UBAC2: variants seen among roughly 807,000 people sequenced by gnomAD.
UBAC2 encodes the protein ubiquitin-associated domain-containing protein 2.
Under a neutral mutation model 44.0 loss-of-function variants are expected in UBAC2, and 26 were observed. The ratio of observed to expected loss-of-function variants is 0.59; its 90% CI spans 0.43 to 0.82. The LOEUF is 0.82. UBAC2 is among the 40% of genes least tolerant of loss of function. The probability of loss-of-function intolerance (pLI) is 0.00; values close to 1 mark genes in which losing one functional copy is unlikely to be tolerated. For synonymous variants in UBAC2, 155 were observed against 154.3 expected (o/e 1.00, Z -0.04); for missense variants, 329 against 419.4 (o/e 0.78, Z 1.88).
intron 4 of UBAC2, among the ~76,000 whole-genome samples, chr13:99,311,669 T>C (rs1397888746): frequency 2.6e-5 from 4 of 152,258 alleles, no homozygotes; most frequent in Admixed American, 1.3e-4. Flanking sequence ...ATTAATAATC[T>C]AATGGGAGGT....
At chr13:99,238,796 C>G (rs970867210) in intron 2 of UBAC2, among the ~76,000 whole-genome samples, 3 of 152,112 alleles carry the variant, frequency 2.0e-5, no homozygotes, top group Non-Finnish European at 4.4e-5. Flanking sequence ...ACTTTTTACT[C>G]AGAGAAGTGT....
intron 4 of UBAC2, among the ~76,000 whole-genome samples, chr13:99,251,153 T>C (rs1263154931): frequency 6.6e-6 from 1 of 152,172 alleles, no homozygotes; most frequent in Non-Finnish European, 1.5e-5. Context: ...TGTTGTGTTC[T>C]TGGTTTGACT....
At chr13:99,285,138 A>C (rs2044001588) in intron 4 of UBAC2, among the ~76,000 whole-genome samples, 1 of 152,126 alleles carries the variant, frequency 6.6e-6, no homozygotes, top group Non-Finnish European at 1.5e-5. Flanking sequence ...AAAATTATTC[A>C]TAATTCTGTA....
At chr13:99,234,411 A>C in intron 1 of UBAC2, 1 of 228,034 alleles carries the variant, frequency 4.4e-6, no homozygotes, top group South Asian at 3.6e-5. Context: ...GCTGGTCTCA[A>C]ACTCCTGACC....
At chr13:99,204,961 C>T (rs1343087542) in intron 1 of UBAC2, among the ~76,000 whole-genome samples, 4 of 129,232 alleles carry the variant, frequency 3.1e-5, no homozygotes, top group Non-Finnish European at 4.7e-5. Flanking sequence ...TGGAGTGCAG[C>T]GGTGTGATCT....
chr13:99,351,854 G>T (rs727263), intron 7 of UBAC2: 1 of 440,546 alleles, frequency 2.3e-6, no homozygotes, highest in South Asian at 1.6e-5. Context: ...GGTGTTAACT[G>T]GTTGATTATC....
intron 4 of UBAC2, among the ~76,000 whole-genome samples, chr13:99,276,470 C>T (rs527880267): frequency 5.3e-5 from 8 of 152,336 alleles, no homozygotes; most frequent in South Asian, 2.1e-4. Flanking sequence ...AAGGATACAA[C>T]GCAGGAACAG....
chr13:99,347,954 C>T (rs749793792), intron 7 of UBAC2, among the ~76,000 whole-genome samples: 17 of 151,950 alleles, frequency 1.1e-4, no homozygotes, highest in South Asian at 2.1e-4. Context: ...TTTGTAAACT[C>T]GGGACACTAT....
intron 1 of UBAC2, among the ~76,000 whole-genome samples, chr13:99,229,665 G>A (rs2043150855): frequency 6.6e-6 from 1 of 152,192 alleles, no homozygotes; most frequent in African/African-American, 2.4e-5. Context: ...GACCGTGCAA[G>A]TTGAAACCGG....
intron 5 of UBAC2, 129 bp downstream of exon 5, chr13:99,314,349 C>T: frequency 9.0e-7 from 1 of 1,106,820 alleles, no homozygotes; most frequent in Non-Finnish European, 1.2e-6. Context: ...GCTTCATGAT[C>T]TATATCAAAT....
At chr13:99,305,377 A>G (rs2044318031) in intron 4 of UBAC2, among the ~76,000 whole-genome samples, 1 of 152,206 alleles carries the variant, frequency 6.6e-6, no homozygotes, top group South Asian at 2.1e-4. Flanking sequence ...CGTCCTCTAC[A>G]CAGGCCACGT....
In UBAC2 at chr13:99,240,010, T is replaced by G. The variant is rs934299243; in HGVS notation, c.159+1456T>G. On this transcript the variant is annotated intron_variant, in intron 2 of 8. Transcript: ENST00000403766. ...TGAAGAGAGGGAAGGGCATTTTACTTCAGGAAGTAACATGAATTTCAGACC... is the reference window on the plus strand; with the variant it reads ...TGAAGAGAGGGAAGGGCATTTTACTGCAGGAAGTAACATGAATTTCAGACC... Among the ~76,000 whole-genome samples the G allele has an allele frequency of 1.8e-4, 28 of 152,238 alleles. 1 individual carries two copies. Among genetic ancestry groups the G allele is most frequent in the South Asian group, 1.0e-3 (5 of 4,824 alleles).
At chr13:99,296,895 T>C (rs1467622241) in intron 4 of UBAC2, among the ~76,000 whole-genome samples, 1 of 152,182 alleles carries the variant, frequency 6.6e-6, no homozygotes, top group East Asian at 1.9e-4. Context: ...AATCTGCAAG[T>C]ACTCCATGGA....
chr13:99,286,524 C>G (rs1036234375), intron 4 of UBAC2, among the ~76,000 whole-genome samples: 4 of 151,674 alleles, frequency 2.6e-5, no homozygotes, highest in African/African-American at 7.3e-5. Context: ...CTTTTAGGTT[C>G]GGGGGGTACA....
intron 1 of UBAC2, among the ~76,000 whole-genome samples, chr13:99,235,577 A>G (rs1190076698): frequency 6.6e-6 from 1 of 152,230 alleles, no homozygotes; most frequent in Non-Finnish European, 1.5e-5. Context: ...AAACAGACAC[A>G]TAGACCAGTG....
intron 6 of UBAC2, among the ~76,000 whole-genome samples, chr13:99,336,231 A>T (rs1369496561): frequency 6.6e-6 from 1 of 152,092 alleles, no homozygotes; most frequent in Non-Finnish European, 1.5e-5. Context: ...TATGTTCTGA[A>T]TGCTGCCTTG....
chr13:99,368,148 A>G (rs532380986), intron 8 of UBAC2, among the ~76,000 whole-genome samples: 69 of 152,200 alleles, frequency 4.5e-4, no homozygotes, highest in African/African-American at 1.4e-3. Flanking sequence ...CTTGTTTTAG[A>G]TGCTCTTACA....
At chr13:99,243,684 C>T (rs969297290) in intron 2 of UBAC2, 148 bp from the exon 3 acceptor site, 3 of 641,590 alleles carry the variant, frequency 4.7e-6, no homozygotes, top group Non-Finnish European at 7.6e-6. Flanking sequence ...GCTCAGAGAA[C>T]ATACATATAT....
intron 1 of UBAC2, among the ~76,000 whole-genome samples, chr13:99,234,940 C>T (rs571423969): frequency 6.6e-6 from 1 of 152,206 alleles, no homozygotes; most frequent in South Asian, 2.1e-4. Flanking sequence ...TTCTTTTTTT[C>T]TCTCATATCA....
Sources: allele counts gnomAD v4.1 joint callset (sites outside exome capture counted in the v4.1 genomes callset), GRCh38; gene constraint gnomAD v4.1.1; transcripts MANE v1.5; gene names NCBI Gene and HGNC (gene_info 2026-07-23, HGNC 2026-07-21).